The following C4orf36 variants were observed in gnomAD, a reference collection of about 807,000 sequenced individuals.
The protein encoded by C4orf36 is chromosome 4 open reading frame 36, also known as uncharacterized protein C4orf36.
Under a neutral mutation model 12.2 loss-of-function variants are expected in C4orf36, and 11 were observed. That is an observed-to-expected ratio of 0.90 (90% CI 0.57 to 1.49). C4orf36 has a LOEUF of 1.49. Ranked by LOEUF, C4orf36 falls within the 40% of genes most tolerant of loss-of-function variation. C4orf36 has a pLI of 0.00. For missense variants in C4orf36, 137 were observed against 133.9 expected, an observed-to-expected ratio of 1.02 and a Z score of -0.11; for synonymous variants, 54 against 51.3, an observed-to-expected ratio of 1.05 and a Z score of -0.22.
chr4:86,908,021 T>A, the C4orf36 span, among the ~76,000 whole-genome samples: 1 of 151,812 alleles, frequency 6.6e-6, no homozygotes, highest in Non-Finnish European at 1.5e-5. Flanking sequence ...ATAAAGTTTC[T>A]CCAGTGGGAG....
the C4orf36 span, among the ~76,000 whole-genome samples, chr4:86,910,506 G>A: frequency 3.2e-4 from 49 of 152,168 alleles, no homozygotes; most frequent in Non-Finnish European, 5.4e-4. Context: ...GGAAGACCTA[G>A]GGAAAGTGCT....
intron 3 of C4orf36, 106 bp downstream of exon 3, chr4:86,888,015 C>T (rs1214386949): frequency 1.9e-6 from 3 of 1,540,220 alleles, no homozygotes; most frequent in African/African-American, 1.4e-5. Flanking sequence ...GACAGAGCTA[C>T]AAAGATAGGA....
chr4:86,903,099 T>C, the C4orf36 span, among the ~76,000 whole-genome samples: 1 of 152,248 alleles, frequency 6.6e-6, no homozygotes, highest in South Asian at 2.1e-4. Context: ...TGTACATTTA[T>C]GTTTATGCAT....
the C4orf36 span, among the ~76,000 whole-genome samples, chr4:86,903,336 C>A: frequency 6.6e-6 from 1 of 152,228 alleles, no homozygotes; most frequent in East Asian, 1.9e-4. Context: ...ATGATGAAAC[C>A]CCCTATCTAC....
At chr4:86,913,693 C>A in the C4orf36 span, 1 of 1,604,324 alleles carries the variant, frequency 6.2e-7, no homozygotes. Flanking sequence ...CTGACCCAGG[C>A]CAGGCGGCTC....
At position 86,888,175 on chromosome 4, in the gene C4orf36, C is replaced by T. The variant is rs750950458; in HGVS notation, c.166G>A (p.Val56Met). Residue 56 changes from valine to methionine, a missense_variant, in exon 3 of 5, where the codon GTG (valine) becomes ATG (methionine). Physicochemically the swap from Val to Met is conservative, Grantham distance 21. Transcript: ENST00000295898. ...FLEEISFGGS[V>M]QLTKCTTIKD... is the part of the protein sequence containing the mutation. Reference sequence around the variant, plus strand: ...ATGGTGGTACATTTTGTGAGCTGCACAGAACCACCAAATGAAATTTCTTCC... The same window carrying T: ...ATGGTGGTACATTTTGTGAGCTGCATAGAACCACCAAATGAAATTTCTTCC... 5 of 1,613,994 alleles carry T rather than the reference C, an allele frequency of 3.1e-6. No homozygotes were observed. In the East Asian group the frequency reaches 8.9e-5, roughly 29 times the overall value.
At chr4:86,914,288 G>C in the C4orf36 span, 1 of 1,600,628 alleles carries the variant, frequency 6.2e-7, no homozygotes, top group Admixed American at 1.7e-5. Context: ...CCCCACAAGT[G>C]ACGATGCGGT....
At chr4:86,923,817 C>T in the C4orf36 span, among the ~76,000 whole-genome samples, 4 of 151,578 alleles carry the variant, frequency 2.6e-5, no homozygotes, top group Non-Finnish European at 5.9e-5. Flanking sequence ...TTTCTGTCTC[C>T]TGATTGATAA....
chr4:86,927,316 G>A, the C4orf36 span, among the ~76,000 whole-genome samples: 602 of 152,254 alleles, frequency 4.0e-3, 5 homozygotes, highest in African/African-American at 0.014. Flanking sequence ...CCCAGCATGG[G>A]CCACATAGCA....
At chr4:86,903,593 A>G in the C4orf36 span, among the ~76,000 whole-genome samples, 3 of 152,178 alleles carry the variant, frequency 2.0e-5, no homozygotes, top group African/African-American at 7.2e-5. Flanking sequence ...CGCAGGCCCA[A>G]AGAGAAAGCA....
At chr4:86,907,615 A>T in the C4orf36 span, among the ~76,000 whole-genome samples, 1 of 152,140 alleles carries the variant, frequency 6.6e-6, no homozygotes, top group Non-Finnish European at 1.5e-5. Context: ...CAACACAAAG[A>T]CTCAAGGGAG....
At chr4:86,910,943 C>A in the C4orf36 span, among the ~76,000 whole-genome samples, 3 of 151,608 alleles carry the variant, frequency 2.0e-5, no homozygotes, top group African/African-American at 7.3e-5. Flanking sequence ...AATAGCTGAG[C>A]GTGGTGGCTT....
At chr4:86,910,787 C>T in the C4orf36 span, among the ~76,000 whole-genome samples, 1 of 151,958 alleles carries the variant, frequency 6.6e-6, no homozygotes, top group African/African-American at 2.4e-5. Flanking sequence ...TGCATGAGGC[C>T]GGGCACAGTG....
rs912641195 is a variant in C4orf36 at position 86,876,349 on chromosome 4, CGACGGCCGGGGCCGG to C, written c.*82_*96del. The C allele has an allele frequency of 2.6e-6, 4 of 1,554,808 alleles. No individual in the cohort carries two copies. Among genetic ancestry groups the C allele is most frequent in the Admixed American group, 4.0e-5 (2 of 49,826 alleles). On this transcript the variant is annotated 3_prime_UTR_variant, in exon 5 of 5. Transcript: ENST00000295898. ...CCGGGCCAGGATGGCTGCAGCGCAGCGACGGCCGGGGCCGGGAGCGGGTCCTGGGCGGCCCAGGAG... is the reference window on the plus strand; with the variant it reads ...CCGGGCCAGGATGGCTGCAGCGCAGCGAGCGGGTCCTGGGCGGCCCAGGAG...
the C4orf36 span, chr4:86,913,931 T>C: frequency 5.6e-6 from 8 of 1,416,638 alleles, no homozygotes; most frequent in Non-Finnish European, 7.9e-6. Context: ...CTCACGCCAT[T>C]CTCCTGCCTC....
At chr4:86,932,880 A>G in the C4orf36 span, among the ~76,000 whole-genome samples, 1 of 152,158 alleles carries the variant, frequency 6.6e-6, no homozygotes, top group East Asian at 1.9e-4. Context: ...AAAATTAAGA[A>G]AGTGCTGGAA....
chr4:86,909,223 C>T, the C4orf36 span, among the ~76,000 whole-genome samples: 1 of 152,186 alleles, frequency 6.6e-6, no homozygotes, highest in Admixed American at 6.5e-5. Flanking sequence ...AACACCATTA[C>T]ATATGAGGAG....
At chr4:86,925,747 C>T in the C4orf36 span, 2 of 151,422 alleles carry the variant, frequency 1.3e-5, no homozygotes, top group Admixed American at 1.3e-4. Flanking sequence ...ACATTTCATT[C>T]TAATGTATCT....
upstream of C4orf36, among the ~76,000 whole-genome samples, chr4:86,894,203 C>T (rs547079538): frequency 3.9e-5 from 6 of 152,090 alleles, no homozygotes; most frequent in South Asian, 1.2e-3. Flanking sequence ...GGTCTTTGGC[C>T]GGAATTTTTA....
Sources: allele counts gnomAD v4.1 joint callset (sites outside exome capture counted in the v4.1 genomes callset), GRCh38; gene constraint gnomAD v4.1.1; transcripts MANE v1.5; gene names NCBI Gene and HGNC (gene_info 2026-07-23, HGNC 2026-07-21).